The following UNC5B variants were observed in gnomAD, a reference collection of about 807,000 sequenced individuals.
The protein encoded by UNC5B is netrin receptor UNC5B.
A neutral mutation model predicts 103.7 loss-of-function variants in UNC5B; 56 were observed. The observed-to-expected ratio is 0.54, with a 90% CI of 0.44 to 0.67. The LOEUF is 0.67. Among genes scored for constraint, UNC5B ranks in the 30% least tolerant of loss-of-function variants. UNC5B has a pLI of 0.00. For missense variants in UNC5B, 1,194 were observed against 1,284.5 expected (o/e 0.93, Z 1.08); for synonymous variants, 577 against 542.0 (o/e 1.06, Z -0.90).
At chr10:71,287,504 C>T in intron 5 of UNC5B, 94 bp from the exon 6 acceptor site, 2 of 1,465,690 alleles carry the variant, frequency 1.4e-6, no homozygotes, top group Non-Finnish European at 1.8e-6. Context: ...GGCCAGGCTT[C>T]AGCAGAGGGG....
intron 1 of UNC5B, among the ~76,000 whole-genome samples, chr10:71,243,667 G>C (rs1489902195): frequency 6.6e-6 from 1 of 152,112 alleles, no homozygotes. Context: ...CCCCTCCTCA[G>C]AGGCCACCCC....
At chr10:71,241,078 G>A (rs181451605) in intron 1 of UNC5B, among the ~76,000 whole-genome samples, 2 of 152,174 alleles carry the variant, frequency 1.3e-5, no homozygotes, top group Non-Finnish European at 2.9e-5. Flanking sequence ...TACTTGTATT[G>A]ACCCTATTCA....
At chr10:71,295,713 C>G (rs1194718877) in intron 13 of UNC5B, 98 bp from the exon 14 acceptor site, 1 of 1,463,222 alleles carries the variant, frequency 6.8e-7, no homozygotes, top group African/African-American at 1.4e-5. Context: ...CAGCCATGCA[C>G]TCAGATGGGC....
At position 71,288,832 on chromosome 10, in the gene UNC5B, C is replaced by T. The variant is rs537275015; in HGVS notation, c.1066+100C>T. 2,754 of 1,551,650 alleles carry T rather than the reference C, an allele frequency of 1.8e-3. 7 individuals carry two copies. Among genetic ancestry groups the T allele is most frequent in the Middle Eastern group, 3.2e-3 (19 of 5,876 alleles). ...ATGCCTCAGTGCCCAGCCTGCAGCACGGCAGTCCTCAGGGCCTCTGTCCCC... is the reference window on the plus strand; with the variant it reads ...ATGCCTCAGTGCCCAGCCTGCAGCATGGCAGTCCTCAGGGCCTCTGTCCCC... On this transcript the variant is annotated intron_variant, in intron 7 of 16. Transcript: ENST00000335350.
intron 7 of UNC5B, 55 bp downstream of exon 7, chr10:71,288,787 G>C: frequency 6.4e-7 from 1 of 1,554,490 alleles, no homozygotes; most frequent in Non-Finnish European, 8.7e-7. Flanking sequence ...GCCATGTAAG[G>C]GTCCCCCAAA....
rs1400660076 is a variant in UNC5B, at chr10:71,301,203, T to C, written c.*1926T>C. On this transcript the variant is annotated 3_prime_UTR_variant, in exon 17 of 17. Coordinates refer to ENST00000335350, the MANE Select transcript of UNC5B (RefSeq NM_170744.5). ...CACATCCTGGCCTTTGAAAGTCTGA[T>C]ATCCTGAGAGGAGGGCAGGTTTTAG... The C allele has an allele frequency of 6.6e-6, 1 of 152,294 alleles. No individual in the cohort carries two copies. Among genetic ancestry groups the C allele is most frequent in the Non-Finnish European group, 1.5e-5 (1 of 68,110 alleles). The allele number at this position is 152,294 out of a possible 1,614,324, so 9.4% of individuals were successfully genotyped here. A position where few individuals can be genotyped will look rare whatever the true frequency, so the allele number is the denominator to read the frequency against.
rs180703790 is a variant in UNC5B, at chr10:71,291,815, G to A, written c.1678G>A (p.Gly560Ser). ...CCTGGGTGGGAGGCTCAGCATCCCC[G>A]GCACAGGTGAGCCCCTGCCCTGCTT... Reference protein sequence around the residue: ...GCLGGRLSIPGTGVSLLVPNG... With the variant: ...GCLGGRLSIPSTGVSLLVPNG... The change falls in exon 10 of 17, where the codon GGC becomes AGC. Residue 560 changes from glycine (G) to serine (S), a missense_variant. Transcript: ENST00000335350. 2.8e-4 allele frequency: 443 copies of A among 1,594,498 alleles called. 1 individual carries two copies. Among genetic ancestry groups the A allele is most frequent in the Admixed American group, 2.0e-3 (120 of 59,592 alleles).
At chr10:71,298,695 T>C (rs1347508529) in intron 16 of UNC5B, among the ~76,000 whole-genome samples, 1 of 152,134 alleles carries the variant, frequency 6.6e-6, no homozygotes, top group Non-Finnish European at 1.5e-5. Flanking sequence ...GCTTTATTCC[T>C]CCTATCAGGG....
chr10:71,278,162 C>A (rs1844816818), intron 1 of UNC5B, among the ~76,000 whole-genome samples: 1 of 152,176 alleles, frequency 6.6e-6, no homozygotes, highest in African/African-American at 2.4e-5. Flanking sequence ...AGGGTTGGTG[C>A]CAGAATTCGA....
chr10:71,239,719 A>G (rs1425289288), intron 1 of UNC5B, among the ~76,000 whole-genome samples: 1 of 151,944 alleles, frequency 6.6e-6, no homozygotes, highest in African/African-American at 2.4e-5. Context: ...CCCCTGCTGG[A>G]TGGGTGGGAG....
Position 71,290,109 on chromosome 10 carries a change from A to G in UNC5B, c.1100-806A>G, listed in dbSNP as rs117798927. Among the ~76,000 whole-genome samples, 1,478 of 152,368 alleles carry G rather than the reference A, an allele frequency of 9.7e-3. 13 individuals carry two copies. Among genetic ancestry groups the G allele is most frequent in the Non-Finnish European group, 0.015 (1,050 of 68,036 alleles). On this transcript the variant is annotated intron_variant, in intron 8 of 16. Coordinates refer to ENST00000335350, the MANE Select transcript of UNC5B (RefSeq NM_170744.5). The stretch of plus-strand genomic sequence containing the variant: ...ATACTTAGCTTAATTAAAATTAAAT[A>G]AATTTTTAAATTCAGTTCCTCAGCG...
chr10:71,285,815 C>T (rs35375566), intron 4 of UNC5B, among the ~76,000 whole-genome samples: 2,137 of 152,192 alleles, frequency 0.014, 27 homozygotes, highest in Non-Finnish European at 0.023. Flanking sequence ...ACGAGCTGAT[C>T]ACCCCTTCCT....
At position 71,286,710 on chromosome 10, in the gene UNC5B, G is replaced by A. The variant is rs779154338; in HGVS notation, c.574G>A (p.Asp192Asn). 4 of 1,614,036 alleles carry A rather than the reference G, an allele frequency of 2.5e-6. No individual in the cohort carries two copies. Among genetic ancestry groups the A allele is most frequent in the Non-Finnish European group, 2.5e-6 (3 of 1,180,034 alleles). The change falls in exon 5 of 17, where the codon GAT becomes AAT. Residue 192 changes from aspartate to asparagine, a missense_variant. By Grantham distance (23) the Asp-to-Asn change is conservative. Coordinates refer to ENST00000335350, the MANE Select transcript of UNC5B (RefSeq NM_170744.5). The part of the protein sequence containing the change: ...VAEVEWLKNE[D>N]VIDPTQDTNF... ...GCAGGTGGAATGGCTCAAGAATGAG[G>A]ATGTCATCGACCCCACCCAGGACAC...
intron 5 of UNC5B, among the ~76,000 whole-genome samples, chr10:71,287,394 A>T (rs77983099): frequency 0.04 from 6,096 of 152,270 alleles, 194 homozygotes; most frequent in South Asian, 0.09. Context: ...GGGCATAGAC[A>T]GTGACTTCCC....
chr10:71,278,248 A>T (rs1844819822), intron 1 of UNC5B, among the ~76,000 whole-genome samples: 1 of 152,192 alleles, frequency 6.6e-6, no homozygotes, highest in Admixed American at 6.5e-5. Context: ...CGATGCAGCA[A>T]CATGTACGTA....
intron 11 of UNC5B, 73 bp from the exon 12 acceptor site, chr10:71,293,332 T>G: frequency 6.6e-7 from 1 of 1,512,512 alleles, no homozygotes; most frequent in East Asian, 2.3e-5. Flanking sequence ...TGGGCAGACT[T>G]GGGAGCCCAG....
Position 71,291,775 on chromosome 10 carries a change from C to T in UNC5B, c.1638C>T (p.Ser546=), listed in dbSNP as rs374710244. 15 of 1,607,032 alleles carry T rather than the reference C, an allele frequency of 9.3e-6. No homozygotes were observed. The highest frequency in any genetic ancestry group is 2.7e-5 in the African/African-American group (2 of 74,924). The change falls in exon 10 of 17, where the codon AGC becomes AGT. Residue 546 remains serine, a synonymous_variant. Transcript: ENST00000335350. ...GLPRDPGSSV[S]GTFGCLGGRL... ...CCCGAGACCCAGGGAGCAGCGTCAG[C>T]GGCACCTTTGGCTGCCTGGGTGGGA...
In UNC5B at chr10:71,299,932, A is replaced by T. The variant is rs1220017359; in HGVS notation, c.*655A>T. 3 of 151,708 alleles carry T rather than the reference A, an allele frequency of 2.0e-5. No homozygotes were observed. The highest frequency in any genetic ancestry group is 4.4e-5 in the Non-Finnish European group (3 of 67,970). The allele number at this position is 151,708 out of a possible 1,614,324, so 9.4% of individuals were successfully genotyped here. ...GGATAAGTCCTTTTTAAGAAAAAAA[A>T]AGAAAATGAAAAACAACACAAAAAA... On this transcript the variant is annotated 3_prime_UTR_variant, in exon 17 of 17. Coordinates refer to ENST00000335350, the MANE Select transcript of UNC5B (RefSeq NM_170744.5).
Position 71,296,978 on chromosome 10 carries a change from C to G in UNC5B, c.2490+236C>G, listed in dbSNP as rs368977364. Among the ~76,000 whole-genome samples, 385 of 131,210 alleles carry G rather than the reference C, an allele frequency of 2.9e-3. 8 individuals carry two copies. The highest frequency in any genetic ancestry group is 6.6e-3 in the African/African-American group (239 of 36,200). The allele number at this position is 131,210 out of a possible 152,430, so 86.1% of individuals were successfully genotyped here. ...GGCGGCCAGATATTCCGGCTGCACA[C>G]CACTCTGGTGGAGGTGAGGGAAGGG... is the stretch of plus-strand genomic sequence containing the variant. On this transcript the variant is annotated intron_variant, in intron 15 of 16. Transcript: ENST00000335350.
Sources: allele counts gnomAD v4.1 joint callset (sites outside exome capture counted in the v4.1 genomes callset), GRCh38; gene constraint gnomAD v4.1.1; transcripts MANE v1.5; gene names NCBI Gene and HGNC (gene_info 2026-07-23, HGNC 2026-07-21).